PCDHGB4: variants seen among roughly 807,000 people sequenced by gnomAD.
PCDHGB4 encodes protocadherin gamma-B4.
Under a neutral mutation model 60.5 loss-of-function variants are expected in PCDHGB4, and 38 were observed. The observed-to-expected ratio is 0.63, with a 90% CI of 0.48 to 0.82. The LOEUF is 0.82. Ranked by LOEUF, PCDHGB4 falls within the 40% of genes least tolerant of loss-of-function variation. PCDHGB4 has a pLI of 0.00. For synonymous variants in PCDHGB4, 456 were observed against 509.7 expected (o/e 0.89, Z 1.42); for missense variants, 1,109 against 1,209.6 (o/e 0.92, Z 1.23).
chr5:141,410,104 C>T, intron 1 of PCDHGB4: 1 of 1,612,582 alleles, frequency 6.2e-7, no homozygotes, highest in African/African-American at 1.3e-5. Context: ...CCTTAGGCGA[C>T]AGGGACGCAG....
intron 1 of PCDHGB4, chr5:141,394,510 C>A (rs371348730): frequency 3.1e-6 from 5 of 1,614,216 alleles, no homozygotes; most frequent in Non-Finnish European, 3.4e-6. Context: ...CTGTACCCCG[C>A]CCTCCCCACA....
chr5:141,435,904 C>G (rs967350870), intron 1 of PCDHGB4, among the ~76,000 whole-genome samples: 2 of 152,068 alleles, frequency 1.3e-5, no homozygotes, highest in Admixed American at 6.5e-5. Context: ...TGAAAGACAT[C>G]CAAGGGCTCT....
intron 1 of PCDHGB4, chr5:141,423,251 A>T: frequency 6.2e-7 from 1 of 1,613,844 alleles, no homozygotes; most frequent in East Asian, 2.2e-5. Context: ...GTCCTGGCGG[A>T]CCTCGGCAGC....
chr5:141,432,235 T>C lies in PCDHGB4; in HGVS notation c.2397+41954T>C, dbSNP rs1240828849. 1 of 1,614,102 alleles carries C rather than the reference T, an allele frequency of 6.2e-7. No individual in the cohort carries two copies. The highest frequency in any genetic ancestry group is 8.5e-7 in the Non-Finnish European group (1 of 1,180,050). ...ACGCCCAGATCACTTATTCCCTGGC[T>C]GAGAACACCATCCAAGGGGCAAGCC... On this transcript the variant is annotated intron_variant, in intron 1 of 3. Transcript: ENST00000519479. The surrounding 1 kb of genome is among the most constrained non-coding windows in gnomAD (Gnocchi z 6.0).
intron 1 of PCDHGB4, chr5:141,409,602 C>T (rs940700383): frequency 6.2e-7 from 1 of 1,613,932 alleles, no homozygotes; most frequent in South Asian, 1.1e-5. Flanking sequence ...AACAACCCGC[C>T]AGGAGCCTCC....
At chr5:141,415,266 G>T in intron 1 of PCDHGB4, 1 of 1,614,218 alleles carries the variant, frequency 6.2e-7, no homozygotes, top group Non-Finnish European at 8.5e-7. Flanking sequence ...CTCTGTACCT[G>T]GTGGTAGCGG....
intron 1 of PCDHGB4, chr5:141,409,314 C>G: frequency 1.9e-6 from 3 of 1,613,878 alleles, no homozygotes; most frequent in Non-Finnish European, 2.5e-6. Flanking sequence ...CTCTTCAAAA[C>G]ACGGGATCTG....
intron 1 of PCDHGB4, chr5:141,399,515 C>T (rs748098945): frequency 6.2e-7 from 1 of 1,614,040 alleles, no homozygotes; most frequent in African/African-American, 1.3e-5. Context: ...AACAACCCTC[C>T]TGGGGCCTCC....
intron 1 of PCDHGB4, chr5:141,478,446 G>A: frequency 6.2e-7 from 1 of 1,613,520 alleles, no homozygotes; most frequent in Non-Finnish European, 8.5e-7. Flanking sequence ...AAGAAACCTG[G>A]TGCAGCCAGT....
intron 1 of PCDHGB4, chr5:141,424,783 T>C (rs1285808638): frequency 1.3e-5 from 2 of 152,212 alleles, no homozygotes; most frequent in African/African-American, 4.8e-5. Flanking sequence ...TACATTCAGT[T>C]CTTTTATTCA....
At position 141,486,634 on chromosome 5, in the gene PCDHGB4, T is replaced by C; in HGVS notation, c.2398-8173T>C. 1 of 1,613,762 alleles carries C rather than the reference T, an allele frequency of 6.2e-7. No individual in the cohort carries two copies. The highest frequency in any genetic ancestry group is 8.5e-7 in the Non-Finnish European group (1 of 1,180,044). ...CCTCTGACCCAGACTCTGGCTTGAA[T>C]GCGCTTATCTCCTACTCACTCCTGG... On this transcript the variant is annotated intron_variant, in intron 1 of 3. Coordinates refer to ENST00000519479, the MANE Select transcript of PCDHGB4 (RefSeq NM_003736.4). The surrounding 1 kb of genome is among the most constrained non-coding windows in gnomAD (Gnocchi z 5.0).
intron 1 of PCDHGB4, among the ~76,000 whole-genome samples, chr5:141,475,237 G>C (rs2099360785): frequency 6.6e-6 from 1 of 152,234 alleles, no homozygotes. Flanking sequence ...AAACGATAGA[G>C]AGAGTGTGCT....
At chr5:141,482,530 CAAA>C (rs3074545) in intron 1 of PCDHGB4, among the ~76,000 whole-genome samples, 29 of 76,552 alleles carry the variant, frequency 3.8e-4, no homozygotes, top group African/African-American at 9.1e-4. Context: ...GACAGACATG[CAAA>C]AAAAAAAAAA....
chr5:141,476,179 T>C lies in PCDHGB4; in HGVS notation c.2398-18628T>C, dbSNP rs1283155400. 26 of 1,613,476 alleles carry C rather than the reference T, an allele frequency of 1.6e-5. No homozygotes were observed. The highest frequency in any genetic ancestry group is 2.0e-5 in the Non-Finnish European group (24 of 1,179,998). On this transcript the variant is annotated intron_variant, in intron 1 of 3. Transcript: ENST00000519479. This position sits in a 1 kb window ranked among gnomAD's most constrained non-coding sequence, Gnocchi z 7.6. Reference sequence around the variant, plus strand: ...CCGGGAGGGTAGTGGGAGTTTTGCTTCTGCTTGGTGCCTTGAACAAGGCTT... The same window carrying C: ...CCGGGAGGGTAGTGGGAGTTTTGCTCCTGCTTGGTGCCTTGAACAAGGCTT...
At position 141,431,363 on chromosome 5, in the gene PCDHGB4, C is replaced by T. The variant is rs765751691; in HGVS notation, c.2397+41082C>T. On this transcript the variant is annotated intron_variant, in intron 1 of 3. Transcript: ENST00000519479. The surrounding 1 kb of genome is among the most constrained non-coding windows in gnomAD (Gnocchi z 4.8). The stretch of plus-strand genomic sequence containing the variant: ...ATTGGTGCTGAAACGCGCCCTGGAC[C>T]GCGAAGAAAAGGCTGCTCACCACCT... 1 of 1,614,024 alleles carries T rather than the reference C, an allele frequency of 6.2e-7. No homozygotes were observed. The highest frequency in any genetic ancestry group is 2.2e-5 in the East Asian group (1 of 44,882).
At chr5:141,409,109 A>G in intron 1 of PCDHGB4, 1 of 1,614,028 alleles carries the variant, frequency 6.2e-7, no homozygotes, top group Non-Finnish European at 8.5e-7. Context: ...TATGATTAAG[A>G]ATAACCAGTC....
chr5:141,455,037 C>T (rs1251627513), intron 1 of PCDHGB4, among the ~76,000 whole-genome samples: 1 of 151,744 alleles, frequency 6.6e-6, no homozygotes, highest in Non-Finnish European at 1.5e-5. Flanking sequence ...TGGTCTCGAT[C>T]TCCTGACCTC....
At chr5:141,392,946 G>C (rs1175467046) in intron 1 of PCDHGB4, 11 of 1,613,940 alleles carry the variant, frequency 6.8e-6, no homozygotes, top group Non-Finnish European at 9.3e-6. Flanking sequence ...AGGCTCCTTC[G>C]TGGGTAATAT....
At chr5:141,410,698 C>G in intron 1 of PCDHGB4, 1 of 1,482,836 alleles carries the variant, frequency 6.7e-7, no homozygotes, top group Non-Finnish European at 9.0e-7. Context: ...ACTTTATTTT[C>G]ATATCTAGAA....
Sources: allele counts gnomAD v4.1 joint callset (sites outside exome capture counted in the v4.1 genomes callset), GRCh38; gene constraint gnomAD v4.1.1; non-coding constraint Gnocchi (gnomAD v3.1); transcripts MANE v1.5; gene names NCBI Gene and HGNC (gene_info 2026-07-23, HGNC 2026-07-21).